FANCC: variants seen among roughly 807,000 people sequenced by gnomAD.
The protein encoded by FANCC is FA complementation group C.
Under a neutral mutation model 71.3 loss-of-function variants are expected in FANCC, and 55 were observed. The observed-to-expected ratio is 0.77, with a 90% CI of 0.62 to 0.97. The LOEUF (loss-of-function observed/expected upper bound fraction) is 0.97, where lower values mean the gene tolerates loss of function less well. Ranked by LOEUF, FANCC falls within the 50% of genes least tolerant of loss-of-function variation. The probability of loss-of-function intolerance (pLI) is 0.00; values close to 1 mark genes in which losing one functional copy is unlikely to be tolerated. For missense variants in FANCC, 678 were observed against 670.9 expected (o/e 1.01, Z -0.12); for synonymous variants, 275 against 244.9 (o/e 1.12, Z -1.15).
chr9:95,163,612 G>A (rs1288521780), intron 6 of FANCC, among the ~76,000 whole-genome samples: 7 of 152,206 alleles, frequency 4.6e-5, no homozygotes, highest in Non-Finnish European at 1.0e-4. Flanking sequence ...AACTTTGGGA[G>A]GCCAAGGCAA....
chr9:95,244,596 TTGAAC>T (rs1323456271), intron 3 of FANCC, among the ~76,000 whole-genome samples: 1 of 136,032 alleles, frequency 7.4e-6, no homozygotes, highest in Non-Finnish European at 1.5e-5. Flanking sequence ...GGAGAATCCC[TTGAAC>T]CTGGGAGGCA....
intron 10 of FANCC, among the ~76,000 whole-genome samples, chr9:95,121,418 A>T (rs1306731432): frequency 6.6e-6 from 1 of 152,228 alleles, no homozygotes; most frequent in East Asian, 1.9e-4. Context: ...ATCACTCATA[A>T]ACTGTTGCAG....
At chr9:95,203,153 T>C (rs975062641) in intron 4 of FANCC, among the ~76,000 whole-genome samples, 3 of 152,002 alleles carry the variant, frequency 2.0e-5, no homozygotes, top group African/African-American at 7.2e-5. Flanking sequence ...TCCCAGAACT[T>C]TGGGAGGCTG....
At chr9:95,238,765 C>A (rs982133108) in intron 4 of FANCC, among the ~76,000 whole-genome samples, 2 of 152,202 alleles carry the variant, frequency 1.3e-5, no homozygotes, top group African/African-American at 2.4e-5. Flanking sequence ...CAAGGTTTCA[C>A]CATGTTAGCC....
At chr9:95,121,864 T>TC (rs1227959302) in intron 10 of FANCC, among the ~76,000 whole-genome samples, 1 of 148,580 alleles carries the variant, frequency 6.7e-6, no homozygotes, top group Admixed American at 6.6e-5. Flanking sequence ...ATTCATTTTT[T>TC]TTTTTTTTTT....
At chr9:95,112,982 C>A (rs961111757) in intron 12 of FANCC, among the ~76,000 whole-genome samples, 7 of 152,188 alleles carry the variant, frequency 4.6e-5, no homozygotes, top group African/African-American at 1.7e-4. Context: ...ACCCAGGGCA[C>A]CCACTGCACA....
chr9:95,215,387 A>T (rs539626410), intron 4 of FANCC, among the ~76,000 whole-genome samples: 4 of 152,226 alleles, frequency 2.6e-5, no homozygotes, highest in African/African-American at 9.6e-5. Flanking sequence ...AGAGAGGGAG[A>T]TAGGGAGAGA....
intron 4 of FANCC, among the ~76,000 whole-genome samples, chr9:95,182,958 G>A (rs918116648): frequency 1.3e-5 from 2 of 151,956 alleles, no homozygotes; most frequent in Non-Finnish European, 2.9e-5. Flanking sequence ...TAAGGCTCCC[G>A]GCCCCTACTC....
At chr9:95,108,064 T>C (rs1432400923) in intron 13 of FANCC, among the ~76,000 whole-genome samples, 1 of 152,234 alleles carries the variant, frequency 6.6e-6, no homozygotes, top group Non-Finnish European at 1.5e-5. Context: ...ACAGCTATGT[T>C]CCATCACTTC....
At chr9:95,110,976 G>T (rs2071868144) in intron 13 of FANCC, 12 of 1,414,918 alleles carry the variant, frequency 8.5e-6, no homozygotes, top group Non-Finnish European at 1.1e-5. Flanking sequence ...TTTAGTAAGA[G>T]ATGTAAATAA....
chr9:95,228,213 G>A (rs992000454), intron 4 of FANCC, among the ~76,000 whole-genome samples: 26 of 152,162 alleles, frequency 1.7e-4, no homozygotes, highest in African/African-American at 5.6e-4. Flanking sequence ...GAGCCAGGGC[G>A]GAAGCAGGGG....
chr9:95,246,814 G>A (rs1390008915), intron 3 of FANCC, among the ~76,000 whole-genome samples: 1 of 152,146 alleles, frequency 6.6e-6, no homozygotes, highest in African/African-American at 2.4e-5. Context: ...ACCACCATGA[G>A]GTATAGCTGT....
At chr9:95,242,574 G>C (rs1830701043) in intron 3 of FANCC, among the ~76,000 whole-genome samples, 1 of 151,474 alleles carries the variant, frequency 6.6e-6, no homozygotes, top group African/African-American at 2.4e-5. Context: ...GTTTCCCCAG[G>C]TGTTGAGTGA....
chr9:95,286,590 G>T (rs1588418670), intron 1 of FANCC, among the ~76,000 whole-genome samples: 1 of 152,158 alleles, frequency 6.6e-6, no homozygotes, highest in African/African-American at 2.4e-5. Flanking sequence ...CAACTGAGTG[G>T]GGTAGCAGAT....
At chr9:95,293,974 T>G in intron 1 of FANCC, 1 of 1,587,156 alleles carries the variant, frequency 6.3e-7, no homozygotes, top group Non-Finnish European at 8.7e-7. Flanking sequence ...AACTCATAGT[T>G]TGTTACCTCA....
intron 1 of FANCC, among the ~76,000 whole-genome samples, chr9:95,256,182 A>G (rs931261432): frequency 5.3e-5 from 8 of 152,214 alleles, no homozygotes; most frequent in Non-Finnish European, 1.2e-4. Flanking sequence ...AATTCAGGAA[A>G]TACAGAGAAT....
chr9:95,261,879 C>T (rs540321325), intron 1 of FANCC, among the ~76,000 whole-genome samples: 42 of 152,230 alleles, frequency 2.8e-4, no homozygotes, highest in Non-Finnish European at 5.4e-4. Flanking sequence ...GGAGCGGATC[C>T]TTCAGAAGCA....
intron 8 of FANCC, 64 bp downstream of exon 8, chr9:95,135,282 T>C: frequency 6.6e-7 from 1 of 1,513,592 alleles, no homozygotes; most frequent in East Asian, 2.3e-5. Context: ...ATTCTCTGAC[T>C]AAAAGAAATG....
chr9:95,265,467 T>A (rs1832329442), intron 1 of FANCC, among the ~76,000 whole-genome samples: 1 of 152,208 alleles, frequency 6.6e-6, no homozygotes, highest in Non-Finnish European at 1.5e-5. Flanking sequence ...GACAGAAATC[T>A]CTGACCTTGT....
Sources: gnomAD v4.1 joint callset for allele counts (sites outside exome capture counted in the v4.1 genomes callset) on GRCh38, gnomAD v4.1.1 for gene constraint, MANE v1.5 for transcripts, NCBI Gene and HGNC (gene_info 2026-07-23, HGNC 2026-07-21) for gene names.